The following PDPR variants were observed in gnomAD, a reference collection of about 807,000 sequenced individuals.
PDPR encodes pyruvate dehydrogenase phosphatase regulatory subunit, mitochondrial.
Under a neutral mutation model 102.2 loss-of-function variants are expected in PDPR, and 50 were observed. The ratio of observed to expected loss-of-function variants is 0.49; its 90% CI spans 0.39 to 0.62. The LOEUF (loss-of-function observed/expected upper bound fraction) is 0.62. Among genes scored for constraint, PDPR ranks in the 20% least tolerant of loss-of-function variants. The pLI is 0.00. For synonymous variants in PDPR, 259 were observed against 406.0 expected (o/e 0.64, Z 4.35); for missense variants, 625 against 1,098.2 (o/e 0.57, Z 6.09).
chr16:70,151,727 T>C (rs959257803), intron 17 of PDPR, among the ~76,000 whole-genome samples: 22 of 152,394 alleles, frequency 1.4e-4, no homozygotes, highest in Admixed American at 6.5e-4. Flanking sequence ...TTATGATTTT[T>C]CAAGAGTCTA....
In PDPR at chr16:70,133,421, C is replaced by CT. The variant is rs1162339028; in HGVS notation, c.997+1134dup. On this transcript the variant is annotated intron_variant, in intron 9 of 18. Coordinates refer to ENST00000288050, the MANE Select transcript of PDPR (RefSeq NM_017990.5). ...ACAGGCATGAGCCACTGCGTCTGGCCTTTTTTTTTTTTTGAGATAAGAGTC... is the reference window on the plus strand; with the variant it reads ...ACAGGCATGAGCCACTGCGTCTGGCCTTTTTTTTTTTTTTGAGATAAGAGTC... Among the ~76,000 whole-genome samples the CT allele has an allele frequency of 4.6e-3, 477 of 103,714 alleles. 12 individuals carry two copies. The highest frequency in any genetic ancestry group is 0.013 in the Middle Eastern group (2 of 154). 68.0% of individuals were successfully genotyped at this position (103,714 alleles called of 152,430 possible).
chr16:70,153,483 T>A lies in PDPR; in HGVS notation c.2145T>A (p.Ile715=). 1 of 1,613,488 alleles carries A rather than the reference T, an allele frequency of 6.2e-7. No individual in the cohort carries two copies. The highest frequency in any genetic ancestry group is 8.5e-7 in the Non-Finnish European group (1 of 1,179,720). The part of the protein sequence containing the change: ...AGYYALRSLR[I]EKFFAFWGQD... ...ATTACGCTCTTCGCAGTCTCCGAAT[T>A]GAGAAGTTTTTTGCCTTCTGGGGTC... Residue 715 remains isoleucine (I), a synonymous_variant, in exon 18 of 19, where the codon ATT becomes ATA. Transcript: ENST00000288050.
chr16:70,143,113 C>T (rs1290218324), intron 13 of PDPR, among the ~76,000 whole-genome samples: 1 of 152,182 alleles, frequency 6.6e-6, no homozygotes, highest in African/African-American at 2.4e-5. Flanking sequence ...CGCGTGAACT[C>T]ATGAGGTGGA....
rs925039748 is a variant in PDPR at position 70,158,764 on chromosome 16, C to T, written c.*1885C>T. 1 of 153,106 alleles carries T rather than the reference C, an allele frequency of 6.5e-6. No individual in the cohort carries two copies. The highest frequency in any genetic ancestry group is 1.5e-5 in the Non-Finnish European group (1 of 68,654). 9.5% of individuals were successfully genotyped at this position (153,106 alleles called of 1,614,324 possible). A position where few individuals can be genotyped will look rare whatever the true frequency, so the allele number is the denominator to read the frequency against. The stretch of plus-strand genomic sequence containing the variant: ...GGCCTTGGGAGAGGAGGAACAGGCC[C>T]TTGGGCAGATGCAGGCATTACCAGC... On this transcript the variant is annotated 3_prime_UTR_variant, in exon 19 of 19. Coordinates refer to ENST00000288050, the MANE Select transcript of PDPR (RefSeq NM_017990.5).
chr16:70,154,155 C>CA (rs373174907), intron 18 of PDPR, among the ~76,000 whole-genome samples: 76 of 148,536 alleles, frequency 5.1e-4, no homozygotes, highest in African/African-American at 6.9e-4. Flanking sequence ...GACTCCGTCT[C>CA]AAAAAAAAAA....
intron 2 of PDPR, among the ~76,000 whole-genome samples, 181 bp downstream of exon 2, chr16:70,115,111 A>C (rs1036624725): frequency 3.3e-5 from 5 of 151,956 alleles, no homozygotes; most frequent in African/African-American, 1.2e-4. Context: ...GACTTGTGTT[A>C]ATTTCTTTTT....
At chr16:70,144,860 C>G (rs571876415) in intron 15 of PDPR, among the ~76,000 whole-genome samples, 3 of 152,242 alleles carry the variant, frequency 2.0e-5, no homozygotes, top group South Asian at 4.1e-4. Context: ...GAGGCTGAGG[C>G]AGGAGAATCA....
intron 18 of PDPR, among the ~76,000 whole-genome samples, chr16:70,155,021 G>A (rs1032640230): frequency 1.6e-4 from 24 of 152,202 alleles, no homozygotes; most frequent in African/African-American, 5.1e-4. Context: ...GTGAAACCCC[G>A]TATCTGCTAA....
At chr16:70,154,951 T>G (rs1294623163) in intron 18 of PDPR, among the ~76,000 whole-genome samples, 1 of 152,194 alleles carries the variant, frequency 6.6e-6, no homozygotes, top group African/African-American at 2.4e-5. Context: ...ATTTTTTTGG[T>G]TTTTTTGTTT....
At chr16:70,147,953 G>T (rs562256967) in intron 16 of PDPR, among the ~76,000 whole-genome samples, 5 of 152,224 alleles carry the variant, frequency 3.3e-5, no homozygotes, top group Non-Finnish European at 5.9e-5. Flanking sequence ...CGGTGATTGC[G>T]TCAGTGGCCG....
intron 17 of PDPR, among the ~76,000 whole-genome samples, chr16:70,150,396 AC>A (rs1966634580): frequency 7.8e-6 from 1 of 128,024 alleles, no homozygotes; most frequent in African/African-American, 2.9e-5. Context: ...GAGCCACCGC[AC>A]CCGGGCCCAT....
rs1966849790 is a variant in PDPR at position 70,153,481 on chromosome 16, A to T, written c.2143A>T (p.Ile715Phe). Residue 715 changes from isoleucine (I) to phenylalanine (F), a missense_variant, in exon 18 of 19, where the codon ATT becomes TTT. This residue lies in a region of PDPR where 303 missense variants were observed against 258.9 expected (regional missense o/e 1.17). Coordinates refer to ENST00000288050, the MANE Select transcript of PDPR (RefSeq NM_017990.5). ...GTATTACGCTCTTCGCAGTCTCCGA[A>T]TTGAGAAGTTTTTTGCCTTCTGGGG... Reference protein sequence around the residue: ...AGYYALRSLRIEKFFAFWGQD... With the variant: ...AGYYALRSLRFEKFFAFWGQD... The T allele has an allele frequency of 6.2e-7, 1 of 1,613,546 alleles. No individual in the cohort carries two copies. Among genetic ancestry groups the T allele is most frequent in the Non-Finnish European group, 8.5e-7 (1 of 1,179,750 alleles).
At chr16:70,126,738 C>T (rs1248759513) in intron 3 of PDPR, among the ~76,000 whole-genome samples, 8 of 152,344 alleles carry the variant, frequency 5.3e-5, no homozygotes, top group African/African-American at 1.9e-4. Context: ...GTTGCCCAGG[C>T]CAGTCTTGAA....
intron 3 of PDPR, among the ~76,000 whole-genome samples, chr16:70,123,052 C>G (rs1351788558): frequency 6.6e-6 from 1 of 152,094 alleles, no homozygotes; most frequent in Non-Finnish European, 1.5e-5. Flanking sequence ...TAGTTGCATG[C>G]CACCACACCT....
At chr16:70,127,957 C>G (rs1331863033) in intron 4 of PDPR, among the ~76,000 whole-genome samples, 4 of 151,552 alleles carry the variant, frequency 2.6e-5, no homozygotes, top group African/African-American at 9.7e-5. Flanking sequence ...GTGGCTGATG[C>G]TGCCCTTGAG....
chr16:70,115,555 G>A (rs1962553741), intron 2 of PDPR, among the ~76,000 whole-genome samples: 3 of 152,206 alleles, frequency 2.0e-5, no homozygotes, highest in African/African-American at 7.2e-5. Context: ...AGTGTCCCAG[G>A]TGGTTCTTTT....
intron 11 of PDPR, among the ~76,000 whole-genome samples, chr16:70,141,123 G>C (rs576995889): frequency 1.3e-3 from 204 of 152,096 alleles, no homozygotes; most frequent in Middle Eastern, 0.01. Flanking sequence ...GCGTGATTTC[G>C]GCTCACTGCA....
chr16:70,150,484 T>G (rs1966642780), intron 17 of PDPR, among the ~76,000 whole-genome samples: 1 of 152,244 alleles, frequency 6.6e-6, no homozygotes, highest in Admixed American at 6.5e-5. Context: ...ATGCTTGTTT[T>G]CTTCTTGATG....
In PDPR at chr16:70,149,719, T is replaced by C. The variant is rs921599701; in HGVS notation, c.2052+1166T>C. ...ATAGACATTTATGTTATTTCTAGTC[T>C]TTTGCTGTTATAAAAAGGTCTGCAG... On this transcript the variant is annotated intron_variant, in intron 17 of 18. Transcript: ENST00000288050. 1.1e-4 allele frequency among the ~76,000 whole-genome samples: 17 copies of C among 152,410 alleles called. 1 individual carries two copies. The highest frequency in any genetic ancestry group is 1.0e-3 in the Admixed American group (16 of 15,310).
Sources: gnomAD v4.1 joint callset for allele counts (sites outside exome capture counted in the v4.1 genomes callset) on GRCh38, gnomAD v4.1.1 for gene constraint, gnomAD v4.1.1 regional missense constraint, MANE v1.5 for transcripts, NCBI Gene and HGNC (gene_info 2026-07-23, HGNC 2026-07-21) for gene names.